TCERG1L: variants seen among roughly 807,000 people sequenced by gnomAD.
The protein encoded by TCERG1L is transcription elongation regulator 1-like protein.
A neutral mutation model predicts 56.3 loss-of-function variants in TCERG1L; 37 were observed. That is an observed-to-expected ratio of 0.66 (90% confidence interval 0.51 to 0.87). TCERG1L has a LOEUF of 0.87. Among genes scored for constraint, TCERG1L ranks in the 40% least tolerant of loss-of-function variants. The pLI is 0.00. For synonymous variants in TCERG1L, 324 were observed against 326.3 expected (o/e 0.99, Z 0.08); for missense variants, 799 against 774.2 (o/e 1.03, Z -0.38).
intron 4 of TCERG1L, among the ~76,000 whole-genome samples, chr10:131,254,573 G>A (rs534029681): frequency 2.0e-5 from 3 of 152,216 alleles, no homozygotes; most frequent in African/African-American, 4.8e-5. Flanking sequence ...GGGCAGAGTG[G>A]AAACAGAAGT....
chr10:131,166,658 C>A, intron 5 of TCERG1L, 139 bp downstream of exon 5: 1 of 838,296 alleles, frequency 1.2e-6, no homozygotes, highest in Non-Finnish European at 1.9e-6. Flanking sequence ...CCTTCAGTGC[C>A]AGGTCCTGCT....
chr10:131,297,457 A>G (rs1323300160), intron 3 of TCERG1L, among the ~76,000 whole-genome samples: 1 of 152,222 alleles, frequency 6.6e-6, no homozygotes, highest in Non-Finnish European at 1.5e-5. Context: ...AACTTTAAAT[A>G]TGGCTGGATT....
chr10:131,158,996 C>T (rs111347756), intron 6 of TCERG1L, among the ~76,000 whole-genome samples: 1 of 152,222 alleles, frequency 6.6e-6, no homozygotes, highest in African/African-American at 2.4e-5. Context: ...AGACTCGACC[C>T]CTGCCCACCA....
intron 9 of TCERG1L, 59 bp downstream of exon 9, chr10:131,116,740 C>G (rs1436923570): frequency 3.2e-6 from 5 of 1,539,362 alleles, no homozygotes; most frequent in Non-Finnish European, 4.4e-6. Flanking sequence ...GACGGCCACT[C>G]AGCTGCTGTT....
chr10:131,309,842 A>AAAAAAAAAAAAC (rs1846862279), intron 1 of TCERG1L, among the ~76,000 whole-genome samples: 1 of 145,992 alleles, frequency 6.8e-6, no homozygotes, highest in Non-Finnish European at 1.5e-5. Context: ...GGCAAAAAAA[A>AAAAAAAAAAAAC]AAAAAAAAAA....
chr10:131,269,178 T>A (rs200481080), intron 3 of TCERG1L, among the ~76,000 whole-genome samples: 4 of 49,730 alleles, frequency 8.0e-5, no homozygotes, highest in African/African-American at 2.0e-4. Context: ...TTGATACAAT[T>A]TCTATTTGTT....
intron 4 of TCERG1L, among the ~76,000 whole-genome samples, chr10:131,190,852 CG>C (rs1225106475): frequency 7.0e-6 from 1 of 143,376 alleles, no homozygotes; most frequent in African/African-American, 2.6e-5. Flanking sequence ...AACAAAGTTC[CG>C]GAAGTACTAA....
intron 3 of TCERG1L, among the ~76,000 whole-genome samples, chr10:131,269,788 C>T (rs1846320309): frequency 6.6e-6 from 1 of 152,194 alleles, no homozygotes; most frequent in Non-Finnish European, 1.5e-5. Flanking sequence ...GGGAAAACGG[C>T]ACCCACAGAC....
chr10:131,152,984 TTGACACATGGGGATTA>T (rs1483114098), intron 6 of TCERG1L, among the ~76,000 whole-genome samples: 1 of 152,176 alleles, frequency 6.6e-6, no homozygotes, highest in East Asian at 1.9e-4. Flanking sequence ...GCTCCTGCCC[TTGACACATGGGGATTA>T]TGGGGATTAC....
intron 4 of TCERG1L, among the ~76,000 whole-genome samples, chr10:131,181,421 A>G (rs1845174568): frequency 6.6e-6 from 1 of 152,164 alleles, no homozygotes; most frequent in Admixed American, 6.5e-5. Context: ...CCTAGCCACA[A>G]AGTTGGGGGA....
chr10:131,306,797 A>C (rs1846822680), intron 3 of TCERG1L, among the ~76,000 whole-genome samples: 1 of 152,190 alleles, frequency 6.6e-6, no homozygotes, highest in African/African-American at 2.4e-5. Flanking sequence ...TAAGATGGAA[A>C]ATCTATGAGA....
At chr10:131,094,374 T>C (rs914995165) in intron 11 of TCERG1L, among the ~76,000 whole-genome samples, 1 of 152,224 alleles carries the variant, frequency 6.6e-6, no homozygotes, top group African/African-American at 2.4e-5. Flanking sequence ...CAGAGAATTT[T>C]ACACTTCCTT....
At chr10:131,249,708 G>A (rs1057453699) in intron 4 of TCERG1L, among the ~76,000 whole-genome samples, 4 of 152,036 alleles carry the variant, frequency 2.6e-5, no homozygotes, top group Non-Finnish European at 4.4e-5. Context: ...CCACTCTCCC[G>A]CTCCTGGTTC....
intron 4 of TCERG1L, among the ~76,000 whole-genome samples, chr10:131,217,007 C>G (rs1845676697): frequency 6.6e-6 from 1 of 152,212 alleles, no homozygotes; most frequent in South Asian, 2.1e-4. Context: ...CACCGTCCCA[C>G]ACCCACAATG....
intron 6 of TCERG1L, among the ~76,000 whole-genome samples, chr10:131,148,567 T>A (rs1028060208): frequency 4.8e-5 from 7 of 146,176 alleles, no homozygotes; most frequent in South Asian, 4.3e-4. Flanking sequence ...GAAACACACA[T>A]ACACACAAAT....
chr10:131,244,349 A>G (rs186788732), intron 4 of TCERG1L, among the ~76,000 whole-genome samples: 1 of 152,290 alleles, frequency 6.6e-6, no homozygotes, highest in African/African-American at 2.4e-5. Flanking sequence ...ACGTGCTTTC[A>G]TCCGGGGGTT....
chr10:131,238,865 G>A (rs1294062372), intron 4 of TCERG1L, among the ~76,000 whole-genome samples: 2 of 152,192 alleles, frequency 1.3e-5, no homozygotes, highest in African/African-American at 2.4e-5. Context: ...AAGGTACACC[G>A]TGCAGAGGGG....
chr10:131,234,467 A>G, intron 4 of TCERG1L, among the ~76,000 whole-genome samples: 1 of 152,004 alleles, frequency 6.6e-6, no homozygotes, highest in East Asian at 1.9e-4. Flanking sequence ...CCTTTTTTTT[A>G]TTTTAGAAAA....
chr10:131,286,139 GTCT>G (rs1846538742), intron 3 of TCERG1L, among the ~76,000 whole-genome samples: 1 of 152,190 alleles, frequency 6.6e-6, no homozygotes, highest in Admixed American at 6.5e-5. Context: ...TTGCACAGTA[GTCT>G]TCTTTTTGTC....
Sources: gnomAD v4.1 joint callset for allele counts (sites outside exome capture counted in the v4.1 genomes callset) on GRCh38, gnomAD v4.1.1 for gene constraint, MANE v1.5 for transcripts, NCBI Gene and HGNC (gene_info 2026-07-23, HGNC 2026-07-21) for gene names.